Variants in FAM20C observed in about 807,000 individuals in gnomAD.
FAM20C encodes the protein FAM20C golgi associated secretory pathway kinase.
Under a neutral mutation model 51.5 loss-of-function variants are expected in FAM20C, and 40 were observed. The observed-to-expected ratio is 0.78, with a 90% CI of 0.60 to 1.01. The LOEUF is 1.01. Ranked by LOEUF, FAM20C falls within the 50% of genes least tolerant of loss-of-function variation. The probability of loss-of-function intolerance (pLI) is 0.00; values close to 1 mark genes in which losing one functional copy is unlikely to be tolerated. For synonymous variants in FAM20C, 406 were observed against 380.6 expected, an observed-to-expected ratio of 1.07 and a Z score of -0.78; for missense variants, 861 against 844.7, an observed-to-expected ratio of 1.02 and a Z score of -0.24.
At chr7:250,209 G>A (rs537464236) in intron 5 of FAM20C, among the ~76,000 whole-genome samples, 1 of 152,114 alleles carries the variant, frequency 6.6e-6, no homozygotes, top group Non-Finnish European at 1.5e-5. Flanking sequence ...CGGACTCTGC[G>A]CTTTCTCTTA....
In FAM20C at chr7:219,089, G is replaced by A. The variant is rs569018037; in HGVS notation, c.863+10113G>A. On this transcript the variant is annotated intron_variant, in intron 3 of 9. Transcript: ENST00000313766. ...ACAGAGGCTGGCCCCTCCTGGGGTC[G>A]TCACCATGGGTGGTGGTGGTGTTTG... 1.9e-4 allele frequency among the ~76,000 whole-genome samples: 29 copies of A among 151,798 alleles called. No individual in the cohort carries two copies. The South Asian group carries it at 3.5e-3, about 19-fold the overall frequency.
At chr7:258,306 G>GGGT (rs1562401843) in intron 8 of FAM20C, among the ~76,000 whole-genome samples, 1 of 37,544 alleles carries the variant, frequency 2.7e-5, no homozygotes, top group Non-Finnish European at 5.3e-5. Flanking sequence ...GGAGATGGGT[G>GGGT]GGATGGACCC....
intron 4 of FAM20C, among the ~76,000 whole-genome samples, chr7:246,893 C>T (rs568293194): frequency 5.3e-5 from 8 of 152,268 alleles, no homozygotes; most frequent in East Asian, 1.9e-4. Context: ...CCTCTGTCAC[C>T]GAGGGAGAGG....
chr7:216,769 C>G (rs1044727990), intron 3 of FAM20C, among the ~76,000 whole-genome samples: 2 of 151,788 alleles, frequency 1.3e-5, no homozygotes, highest in Non-Finnish European at 2.9e-5. Context: ...ACAGCTGTCC[C>G]AAGGCCCAGG....
chr7:257,111 A>G (rs1245441773), intron 8 of FAM20C, 25 bp downstream of exon 8: 2 of 1,534,700 alleles, frequency 1.3e-6, no homozygotes, highest in African/African-American at 2.7e-5. Context: ...GCCCCTGCAC[A>G]CCCAGGGAAG....
rs538583930 is a variant in FAM20C at position 225,926 on chromosome 7, C to T, written c.863+16950C>T. 6.5e-4 allele frequency among the ~76,000 whole-genome samples: 46 copies of T among 71,240 alleles called. 3 individuals are homozygous for T. Among genetic ancestry groups the T allele is most frequent in the Middle Eastern group, 0.01 (1 of 96 alleles). The allele number at this position is 71,240 out of a possible 152,430, so 46.7% of individuals were successfully genotyped here. On this transcript the variant is annotated intron_variant, in intron 3 of 9. Coordinates refer to ENST00000313766, the MANE Select transcript of FAM20C (RefSeq NM_020223.4). ...AGAATGGCACCGTCACGGGGTCGCACGGCGGCTGTCCCCTGAGCCTTCTCT... is the reference window on the plus strand; with the variant it reads ...AGAATGGCACCGTCACGGGGTCGCATGGCGGCTGTCCCCTGAGCCTTCTCT...
At chr7:237,362 T>C (rs1378461073) in intron 3 of FAM20C, among the ~76,000 whole-genome samples, 1 of 152,224 alleles carries the variant, frequency 6.6e-6, no homozygotes, top group Admixed American at 6.5e-5. Context: ...CATTTTAGCA[T>C]CACACAACGT....
intron 3 of FAM20C, among the ~76,000 whole-genome samples, chr7:211,949 T>G (rs761109051): frequency 3.9e-5 from 6 of 152,178 alleles, no homozygotes; most frequent in Non-Finnish European, 5.9e-5. Context: ...CAGGTCAGGT[T>G]AGGGCGTTGG....
At chr7:193,897 C>T (rs1562357861) in intron 1 of FAM20C, 93 bp downstream of exon 1, 7 of 1,430,954 alleles carry the variant, frequency 4.9e-6, no homozygotes, top group African/African-American at 1.5e-5. Flanking sequence ...GGCCGCCCCC[C>T]ATGGAAGAGG....
intron 2 of FAM20C, among the ~76,000 whole-genome samples, chr7:207,201 C>T (rs71536277): frequency 7.7e-5 from 1 of 12,922 alleles, no homozygotes. Context: ...CCCTCGGCCC[C>T]GCACACGTAT....
intron 5 of FAM20C, among the ~76,000 whole-genome samples, chr7:250,359 A>G (rs759267087): frequency 3.3e-5 from 5 of 152,000 alleles, no homozygotes; most frequent in Non-Finnish European, 7.4e-5. Flanking sequence ...TAGGACAGAA[A>G]GCTCCACAGA....
intron 2 of FAM20C, among the ~76,000 whole-genome samples, chr7:196,799 C>A: frequency 6.6e-6 from 1 of 152,152 alleles, no homozygotes; most frequent in East Asian, 1.9e-4. Flanking sequence ...GAGTTGTTTG[C>A]TGGGCACTCA....
chr7:200,166 G>A (rs1786064261), intron 2 of FAM20C, among the ~76,000 whole-genome samples: 1 of 152,228 alleles, frequency 6.6e-6, no homozygotes, highest in Non-Finnish European at 1.5e-5. Context: ...TCTGTTCCTT[G>A]GGAGCAGGGC....
rs944318150 is a variant in FAM20C, at chr7:241,156, T to C, written c.864-5259T>C. On this transcript the variant is annotated intron_variant, in intron 3 of 9. Transcript: ENST00000313766. ...CCCCTGGGGCTGCTCCCTCCCTGCT[T>C]CCTCCTGCTGGGGTCACCTGGGTCT... 7.9e-3 allele frequency among the ~76,000 whole-genome samples: 1,200 copies of C among 151,692 alleles called. 16 individuals are homozygous for C. The highest frequency in any genetic ancestry group is 0.028 in the African/African-American group (1,134 of 41,002).
rs552236096 is a variant in FAM20C at position 247,833 on chromosome 7, G to A, written c.957-482G>A. On this transcript the variant is annotated intron_variant, in intron 4 of 9. Coordinates refer to ENST00000313766, the MANE Select transcript of FAM20C (RefSeq NM_020223.4). The stretch of plus-strand genomic sequence containing the variant: ...GTGGTCGGGCCTTGGGTCCCGGGTC[G>A]GCCCTGGCAGACGGCCCACGTCCCT... Among the ~76,000 whole-genome samples the A allele has an allele frequency of 2.1e-3, 314 of 152,294 alleles. 1 individual carries two copies. Among genetic ancestry groups the A allele is most frequent in the Non-Finnish European group, 3.7e-3 (250 of 68,022 alleles).
chr7:257,030 G>A lies in FAM20C; in HGVS notation c.1389G>A (p.Glu463=). ...GAAACATGGACCGTCACCACTACGAGACTTTTGAGAAGTTTGGGAATGAAA... is the reference window on the plus strand; with the variant it reads ...GAAACATGGACCGTCACCACTACGAAACTTTTGAGAAGTTTGGGAATGAAA... ...LMGNMDRHHY[E]TFEKFGNETF... is the part of the protein sequence containing the mutation. The change falls in exon 8 of 10, where the codon GAG becomes GAA. Residue 463 remains glutamate (E), a synonymous_variant. Coordinates refer to ENST00000313766, the MANE Select transcript of FAM20C (RefSeq NM_020223.4). The A allele has an allele frequency of 6.5e-7, 1 of 1,537,128 alleles. No individual in the cohort carries two copies. The highest frequency in any genetic ancestry group is 8.7e-7 in the Non-Finnish European group (1 of 1,146,890).
chr7:211,148 CT>C (rs144812119), intron 3 of FAM20C, among the ~76,000 whole-genome samples: 40,721 of 136,138 alleles, frequency 0.3, 8,051 homozygotes, highest in Non-Finnish European at 0.4. Context: ...TCAGCCTCCC[CT>C]GGGCCTCCTC....
chr7:244,147 C>T lies in FAM20C; in HGVS notation c.864-2268C>T, dbSNP rs145233058. On this transcript the variant is annotated intron_variant, in intron 3 of 9. Coordinates refer to ENST00000313766, the MANE Select transcript of FAM20C (RefSeq NM_020223.4). ...CTGGGGTCTCACTATGTTGCCCAGG[C>T]TGGTCTTGAACTCCTGGACTCATGC... Among the ~76,000 whole-genome samples the T allele has an allele frequency of 6.5e-3, 984 of 152,092 alleles. 16 individuals carry two copies. Among genetic ancestry groups the T allele is most frequent in the African/African-American group, 0.022 (930 of 41,476 alleles).
At chr7:216,692 T>TGTGA (rs1786997569) in intron 3 of FAM20C, among the ~76,000 whole-genome samples, 1 of 142,592 alleles carries the variant, frequency 7.0e-6, no homozygotes, top group Non-Finnish European at 1.5e-5. Context: ...AGAGTGTGTG[T>TGTGA]GTGTGTGAGA....
Sources: gnomAD v4.1 joint callset for allele counts (sites outside exome capture counted in the v4.1 genomes callset) on GRCh38, gnomAD v4.1.1 for gene constraint, MANE v1.5 for transcripts, NCBI Gene and HGNC (gene_info 2026-07-23, HGNC 2026-07-21) for gene names.